The following DLG2 variants were observed in gnomAD, a reference collection of about 807,000 sequenced individuals.
DLG2 encodes the protein discs large MAGUK scaffold protein 2.
A neutral mutation model predicts 132.5 loss-of-function variants in DLG2; 45 were observed. The observed-to-expected ratio is 0.34, with a 90% CI of 0.27 to 0.44. The LOEUF is 0.44. Among genes scored for constraint, DLG2 ranks in the 20% least tolerant of loss-of-function variants. The probability of loss-of-function intolerance (pLI) is 1.00; values close to 1 mark genes in which losing one functional copy is unlikely to be tolerated. For synonymous variants in DLG2, 424 were observed against 419.6 expected (o/e 1.01, Z -0.13); for missense variants, 1,045 against 1,196.9 (o/e 0.87, Z 1.87).
At chr11:83,688,254 T>C (rs1184464185) in intron 18 of DLG2, among the ~76,000 whole-genome samples, 6 of 152,348 alleles carry the variant, frequency 3.9e-5, no homozygotes, top group African/African-American at 1.4e-4. Context: ...TCCTTTTTAG[T>C]ATAGATTTCC....
At chr11:84,644,155 T>TC (rs1334264025) in intron 6 of DLG2, among the ~76,000 whole-genome samples, 1 of 152,162 alleles carries the variant, frequency 6.6e-6, no homozygotes, top group Non-Finnish European at 1.5e-5. Context: ...TCCTGAGTTT[T>TC]CCCGGGGGCT....
intron 7 of DLG2, among the ~76,000 whole-genome samples, chr11:84,487,483 A>G (rs2099153991): frequency 6.6e-6 from 1 of 152,060 alleles, no homozygotes; most frequent in African/African-American, 2.4e-5. Flanking sequence ...AGTCAGATGT[A>G]TTTTTGTTGC....
chr11:84,626,279 G>T (rs1214829688), intron 6 of DLG2, among the ~76,000 whole-genome samples: 1 of 152,124 alleles, frequency 6.6e-6, no homozygotes, highest in Non-Finnish European at 1.5e-5. Flanking sequence ...CCTTATCTCT[G>T]GTACCCCTGG....
chr11:84,885,010 A>G (rs1344447915), intron 6 of DLG2, among the ~76,000 whole-genome samples: 1 of 152,028 alleles, frequency 6.6e-6, no homozygotes, highest in African/African-American at 2.4e-5. Context: ...CAACATCATC[A>G]TGGCTTGAAG....
intron 4 of DLG2, among the ~76,000 whole-genome samples, chr11:85,270,009 GC>G (rs2077429090): frequency 6.6e-6 from 1 of 152,160 alleles, no homozygotes; most frequent in African/African-American, 2.4e-5. Context: ...ATAAGTGTTA[GC>G]TATCATTAAA....
At chr11:84,327,871 T>G in intron 7 of DLG2, among the ~76,000 whole-genome samples, 1 of 152,238 alleles carries the variant, frequency 6.6e-6, no homozygotes, top group Non-Finnish European at 1.5e-5. Context: ...CTGAGCTTTG[T>G]GAATGAGGCA....
At chr11:85,132,318 CA>C (rs1285349952) in intron 5 of DLG2, among the ~76,000 whole-genome samples, 1 of 151,948 alleles carries the variant, frequency 6.6e-6, no homozygotes, top group Non-Finnish European at 1.5e-5. Context: ...CAATCAGAAG[CA>C]ATATGTCAAG....
At chr11:84,728,226 T>C (rs2062725342) in intron 6 of DLG2, among the ~76,000 whole-genome samples, 1 of 152,190 alleles carries the variant, frequency 6.6e-6, no homozygotes, top group Admixed American at 6.5e-5. Context: ...GGCTGTGGGT[T>C]TGTCATAAAT....
chr11:84,177,862 T>C (rs1451287686), intron 8 of DLG2, among the ~76,000 whole-genome samples: 1 of 152,136 alleles, frequency 6.6e-6, no homozygotes, highest in Non-Finnish European at 1.5e-5. Flanking sequence ...TGTTCATTAT[T>C]ATTACAGACT....
intron 7 of DLG2, among the ~76,000 whole-genome samples, chr11:84,304,944 T>A (rs1268319243): frequency 6.6e-6 from 1 of 152,226 alleles, no homozygotes; most frequent in East Asian, 1.9e-4. Flanking sequence ...GATAATGTTT[T>A]GTAATGTCCT....
chr11:83,908,819 G>A (rs1240812143), intron 15 of DLG2, among the ~76,000 whole-genome samples: 3 of 151,972 alleles, frequency 2.0e-5, no homozygotes, highest in Non-Finnish European at 2.9e-5. Context: ...CTGTAACCTC[G>A]AACTCCTAGG....
intron 9 of DLG2, among the ~76,000 whole-genome samples, chr11:84,138,012 A>G (rs1400033976): frequency 6.6e-6 from 1 of 152,208 alleles, no homozygotes; most frequent in East Asian, 1.9e-4. Context: ...ATGTGAAACA[A>G]TACAGTCAGC....
At chr11:83,548,693 T>C (rs1358002644) in intron 19 of DLG2, among the ~76,000 whole-genome samples, 1 of 152,184 alleles carries the variant, frequency 6.6e-6, no homozygotes, top group South Asian at 2.1e-4. Context: ...TTCTATTTTG[T>C]AGATAAAGAA....
At chr11:84,131,006 T>A (rs2094399948) in intron 9 of DLG2, among the ~76,000 whole-genome samples, 1 of 152,028 alleles carries the variant, frequency 6.6e-6, no homozygotes, top group Non-Finnish European at 1.5e-5. Context: ...AACACATACA[T>A]GTACTTCATA....
rs189569218 is a variant in DLG2 at position 84,640,630 on chromosome 11, T to C, written c.358-105899A>G. 2.3e-5 allele frequency: 5 copies of C among 214,078 alleles called. No homozygotes were observed. The East Asian group carries it at 7.6e-4, about 33-fold the overall frequency. 13.3% of individuals were successfully genotyped at this position (214,078 alleles called of 1,614,324 possible). ...TGATTCCTAAGACCTATTTGTGATA[T>C]ATAAACAATACAATAAAAGACCTAT... is the stretch of plus-strand genomic sequence containing the variant. On this transcript the variant is annotated intron_variant, in intron 6 of 27. Transcript: ENST00000376104.
chr11:85,278,544 G>A (rs531941244), intron 4 of DLG2, among the ~76,000 whole-genome samples: 9 of 152,080 alleles, frequency 5.9e-5, no homozygotes, highest in African/African-American at 1.7e-4. Flanking sequence ...AGATTGCGGT[G>A]AGCCGAGATG....
chr11:84,156,738 C>T (rs1452983167), intron 9 of DLG2, among the ~76,000 whole-genome samples: 1 of 152,200 alleles, frequency 6.6e-6, no homozygotes, highest in Non-Finnish European at 1.5e-5. Flanking sequence ...TTTATTGCAT[C>T]ATGCAAATTC....
chr11:85,241,998 A>G (rs2075904019), intron 4 of DLG2, among the ~76,000 whole-genome samples: 1 of 151,980 alleles, frequency 6.6e-6, no homozygotes, highest in African/African-American at 2.4e-5. Flanking sequence ...AGAGGATTCC[A>G]TATATAGTGA....
In DLG2 at chr11:84,223,556, C is replaced by CT. The variant is rs5793116; in HGVS notation, c.573+27681dup. 4.4e-3 allele frequency among the ~76,000 whole-genome samples: 583 copies of CT among 131,554 alleles called. 1 individual carries two copies. The highest frequency in any genetic ancestry group is 9.9e-3 in the East Asian group (45 of 4,538). The allele number at this position is 131,554 out of a possible 152,430, so 86.3% of individuals were successfully genotyped here. Reference sequence around the variant, plus strand: ...TCATTAATTGGGAAAATTTATGTGACTTTTTTTTTTTTTTTTTTGAGGCAG... The same window carrying CT: ...TCATTAATTGGGAAAATTTATGTGACTTTTTTTTTTTTTTTTTTTGAGGCAG... On this transcript the variant is annotated intron_variant, in intron 8 of 27. Coordinates refer to ENST00000376104, the MANE Select transcript of DLG2 (RefSeq NM_001142699.3).
Sources: allele counts gnomAD v4.1 joint callset (sites outside exome capture counted in the v4.1 genomes callset), GRCh38; gene constraint gnomAD v4.1.1; transcripts MANE v1.5; gene names NCBI Gene and HGNC (gene_info 2026-07-23, HGNC 2026-07-21).